The following MARK3 variants were observed in gnomAD, a reference collection of about 807,000 sequenced individuals.
The protein encoded by MARK3 is microtubule affinity regulating kinase 3, also known as MAP/microtubule affinity-regulating kinase 3.
In MARK3, 46 loss-of-function variants were observed where a neutral mutation model predicts 90.1. The observed-to-expected ratio is 0.51, with a 90% CI of 0.40 to 0.65. The LOEUF (loss-of-function observed/expected upper bound fraction) is 0.65. Ranked by LOEUF, MARK3 falls within the 30% of genes least tolerant of loss-of-function variation. MARK3 has a pLI of 0.00. For synonymous variants in MARK3, 321 were observed against 332.6 expected (o/e 0.97, Z 0.38); for missense variants, 818 against 947.2 (o/e 0.86, Z 1.79).
At chr14:103,438,734 C>G (rs995874203) in intron 3 of MARK3, among the ~76,000 whole-genome samples, 1 of 151,646 alleles carries the variant, frequency 6.6e-6, no homozygotes, top group Non-Finnish European at 1.5e-5. Flanking sequence ...TGGCTCAAGC[C>G]TGTAATCCCA....
At chr14:103,446,705 G>GTT in intron 3 of MARK3, among the ~76,000 whole-genome samples, 1 of 109,544 alleles carries the variant, frequency 9.1e-6, no homozygotes, top group African/African-American at 3.6e-5. Context: ...AGTGGAGATT[G>GTT]TTGTCTTTTT....
intron 16 of MARK3, chr14:103,498,758 T>C: frequency 3.6e-6 from 1 of 274,506 alleles, no homozygotes; most frequent in Non-Finnish European, 6.7e-6. Context: ...GCATGCTCTG[T>C]GTATTTTCTT....
chr14:103,391,658 C>T (rs376692605), intron 1 of MARK3, among the ~76,000 whole-genome samples: 2 of 147,922 alleles, frequency 1.4e-5, no homozygotes, highest in Admixed American at 1.4e-4. Flanking sequence ...GATTGTCGTG[C>T]GCAGCCTCCC....
intron 12 of MARK3, among the ~76,000 whole-genome samples, chr14:103,474,042 A>T (rs1247245653): frequency 7.6e-6 from 1 of 130,906 alleles, no homozygotes; most frequent in African/African-American, 2.8e-5. Context: ...TAAAAAAAAA[A>T]AAATATATAC....
At chr14:103,386,238 C>T (rs1480176409) in intron 1 of MARK3, 158 bp downstream of exon 1, 12 of 749,508 alleles carry the variant, frequency 1.6e-5, no homozygotes, top group South Asian at 1.2e-4. Context: ...CCGTTTCCTC[C>T]AGAAGTCTGC....
intron 5 of MARK3, among the ~76,000 whole-genome samples, chr14:103,455,218 A>AT (rs924971964): frequency 2.6e-5 from 4 of 152,256 alleles, no homozygotes; most frequent in African/African-American, 7.2e-5. Flanking sequence ...TAATCGTTTA[A>AT]TTTTTTTAAG....
chr14:103,443,999 G>T (rs1386438768), intron 3 of MARK3, among the ~76,000 whole-genome samples: 2 of 150,936 alleles, frequency 1.3e-5, no homozygotes, highest in African/African-American at 4.9e-5. Context: ...CACCTTCATT[G>T]TGATGGTTTA....
intron 1 of MARK3, chr14:103,386,488 A>T (rs768693809): frequency 4.3e-6 from 2 of 466,870 alleles, no homozygotes; most frequent in South Asian, 3.3e-5. Context: ...TTAATAACAT[A>T]TGTTACCGGT....
chr14:103,470,317 C>T (rs1406066560), intron 12 of MARK3, among the ~76,000 whole-genome samples: 1 of 152,118 alleles, frequency 6.6e-6, no homozygotes, highest in African/African-American at 2.4e-5. Context: ...CCAGGCTCTA[C>T]AGTTGCTCTG....
At chr14:103,460,865 AT>A (rs1566884316) in intron 6 of MARK3, among the ~76,000 whole-genome samples, 4 of 152,238 alleles carry the variant, frequency 2.6e-5, no homozygotes, top group African/African-American at 9.6e-5. Flanking sequence ...GAATAGAACA[AT>A]AGTGATAAAT....
chr14:103,404,979 A>C, intron 1 of MARK3, 97 bp from the exon 2 acceptor site: 1 of 803,472 alleles, frequency 1.2e-6, no homozygotes, highest in Non-Finnish European at 1.9e-6. Flanking sequence ...GATTAAAATT[A>C]AAGTAGGAAT....
intron 6 of MARK3, among the ~76,000 whole-genome samples, chr14:103,459,809 G>A (rs1373483214): frequency 6.6e-6 from 1 of 151,586 alleles, no homozygotes; most frequent in Non-Finnish European, 1.5e-5. Flanking sequence ...CCATCGTAAT[G>A]TGGCCTCAAT....
At position 103,463,680 on chromosome 14, in the gene MARK3, A is replaced by G. The variant is rs572942529; in HGVS notation, c.540+1219A>G. ...TTATCTCATAGGTGATTCCGACACT[A>G]CTTTCTTATATGTTCTTCTCTGTTT... is the stretch of plus-strand genomic sequence containing the variant. On this transcript the variant is annotated intron_variant, in intron 7 of 17. Transcript: ENST00000429436. 9.2e-5 allele frequency among the ~76,000 whole-genome samples: 14 copies of G among 152,184 alleles called. No homozygotes were observed. The South Asian group carries it at 2.7e-3, about 29-fold the overall frequency.
intron 2 of MARK3, chr14:103,412,293 T>A: frequency 1.5e-6 from 1 of 651,240 alleles, no homozygotes; most frequent in Non-Finnish European, 2.7e-6. Flanking sequence ...CATAACATGT[T>A]CATATGAAAC....
At position 103,428,401 on chromosome 14, in the gene MARK3, A is replaced by G. The variant is rs751368718; in HGVS notation, c.258A>G (p.Ile86Met). The change falls in exon 3 of 18, where the codon ATA becomes ATG. Residue 86 changes from isoleucine to methionine, a missense_variant. Physicochemically the swap from Ile to Met is conservative, Grantham distance 10. Coordinates refer to ENST00000429436, the MANE Select transcript of MARK3 (RefSeq NM_001128918.3). Reference sequence around the variant, plus strand: ...ATTCTTTCTAGGTTGCAATAAAAATAATTGACAAAACTCAGTTGAATCCAA... The same window carrying G: ...ATTCTTTCTAGGTTGCAATAAAAATGATTGACAAAACTCAGTTGAATCCAA... ...ILTGREVAIKIIDKTQLNPTS... is the reference protein window; with the variant it reads ...ILTGREVAIKMIDKTQLNPTS... 2 of 1,478,146 alleles carry G rather than the reference A, an allele frequency of 1.4e-6. No homozygotes were observed. The highest frequency in any genetic ancestry group is 2.5e-5 in the South Asian group (2 of 78,458). 91.6% of individuals were successfully genotyped at this position (1,478,146 alleles called of 1,614,324 possible).
intron 14 of MARK3, chr14:103,490,907 T>A (rs1356380069): frequency 8.1e-7 from 1 of 1,228,044 alleles, no homozygotes; most frequent in African/African-American, 1.5e-5. Context: ...TCACTGCTCC[T>A]TCATACTGTG....
intron 3 of MARK3, among the ~76,000 whole-genome samples, chr14:103,431,177 T>C (rs1013918377): frequency 6.6e-6 from 1 of 152,194 alleles, no homozygotes; most frequent in African/African-American, 2.4e-5. Flanking sequence ...AGTCTCCCTC[T>C]GCCTCTTGGG....
chr14:103,481,239 A>G (rs1044481444), intron 14 of MARK3, among the ~76,000 whole-genome samples: 2 of 152,230 alleles, frequency 1.3e-5, no homozygotes, highest in African/African-American at 2.4e-5. Flanking sequence ...TAAATATGCT[A>G]TATTCTGTTC....
chr14:103,431,317 C>G (rs1350385965), intron 3 of MARK3, among the ~76,000 whole-genome samples: 1 of 152,074 alleles, frequency 6.6e-6, no homozygotes, highest in African/African-American at 2.4e-5. Flanking sequence ...GGTCTGGTCT[C>G]AAACTCCTGA....
Sources: gnomAD v4.1 joint callset for allele counts (sites outside exome capture counted in the v4.1 genomes callset) on GRCh38, gnomAD v4.1.1 for gene constraint, MANE v1.5 for transcripts, NCBI Gene and HGNC (gene_info 2026-07-23, HGNC 2026-07-21) for gene names.